MCF2L: variants seen among roughly 807,000 people sequenced by gnomAD.
The protein encoded by MCF2L is guanine nucleotide exchange factor DBS.
Under a neutral mutation model 153.4 loss-of-function variants are expected in MCF2L, and 97 were observed. That is an observed-to-expected ratio of 0.63 (90% CI 0.54 to 0.75). The LOEUF (loss-of-function observed/expected upper bound fraction) is 0.75. Among genes scored for constraint, MCF2L ranks in the 30% least tolerant of loss-of-function variants. The pLI is 0.00. For synonymous variants in MCF2L, 659 were observed against 632.2 expected (o/e 1.04, Z -0.64); for missense variants, 1,347 against 1,495.2 (o/e 0.90, Z 1.64).
chr13:113,067,538 T>G (rs9604019), intron 8 of MCF2L, among the ~76,000 whole-genome samples: 1 of 10,828 alleles, frequency 9.2e-5, no homozygotes. Flanking sequence ...TGCCAGCTAC[T>G]CGGAGGCAGA....
At chr13:112,944,631 G>A (rs2081617449) in intron 2 of MCF2L, among the ~76,000 whole-genome samples, 1 of 150,556 alleles carries the variant, frequency 6.6e-6, no homozygotes, top group Non-Finnish European at 1.5e-5. Context: ...GAGTGCAGTG[G>A]CGCAACCTCG....
chr13:113,092,438 CCACTGCCTGTGGGT>C (rs2035298969), intron 26 of MCF2L, among the ~76,000 whole-genome samples: 2 of 144,958 alleles, frequency 1.4e-5, no homozygotes, highest in Non-Finnish European at 3.2e-5. Flanking sequence ...CGAAGCCGGG[CCACTGCCTGTGGGT>C]CATTTCCACC....
intron 2 of MCF2L, among the ~76,000 whole-genome samples, chr13:112,914,340 C>A (rs764999446): frequency 3.9e-5 from 6 of 152,224 alleles, no homozygotes; most frequent in Non-Finnish European, 7.3e-5. Context: ...CGGGACTACT[C>A]CACATCCATG....
chr13:113,005,310 A>ACGC, intron 1 of MCF2L, among the ~76,000 whole-genome samples: 1 of 152,170 alleles, frequency 6.6e-6, no homozygotes, highest in Non-Finnish European at 1.5e-5. Flanking sequence ...GGTGTCAGAG[A>ACGC]CGCCGACAAG....
Position 112,946,991 on chromosome 13 carries a change from C to T in MCF2L, c.169+44620C>T, listed in dbSNP as rs183706240. Among the ~76,000 whole-genome samples, 3 of 152,230 alleles carry T rather than the reference C, an allele frequency of 2.0e-5. No homozygotes were observed. The East Asian group carries it at 5.8e-4, about 29-fold the overall frequency. ...TTCTTTTGGTCTCGTGCGTCCTAAA[C>T]GCAGGGCTTGTCTACTGTGGTGTGT... On this transcript the variant is annotated intron_variant, in intron 2 of 29. Coordinates refer to the MCF2L transcript ENST00000375608.
chr13:112,930,467 T>A (rs567682466), intron 2 of MCF2L, among the ~76,000 whole-genome samples: 1 of 152,268 alleles, frequency 6.6e-6, no homozygotes, highest in Middle Eastern at 3.4e-3. Flanking sequence ...TGATTCCAAC[T>A]CTGTGATATT....
rs2081968506 is a variant in MCF2L, at chr13:112,969,478, G to A, written c.79+20G>A. 1.3e-6 allele frequency: 2 copies of A among 1,550,062 alleles called. No individual in the cohort carries two copies. Among genetic ancestry groups the A allele is most frequent in the East Asian group, 2.4e-5 (1 of 40,876 alleles). On this transcript the variant is annotated intron_variant, in intron 1 of 29. Coordinates refer to ENST00000535094, the MANE Select transcript of MCF2L (RefSeq NM_001112732.3). The surrounding 1 kb of genome is among the most constrained non-coding windows in gnomAD (Gnocchi z 4.8). ...ACACGGGTAGGAGGAGCTGCTGGCC[G>A]TCAGTGATCTGTGCTTAAGCTTGAC...
intron 4 of MCF2L, among the ~76,000 whole-genome samples, chr13:113,052,945 A>C (rs143728346): frequency 6.6e-6 from 1 of 152,040 alleles, no homozygotes; most frequent in Admixed American, 6.6e-5. Context: ...ACATGCATAC[A>C]CTCAGAGACA....
chr13:113,072,212 C>T (rs149668675), intron 9 of MCF2L, among the ~76,000 whole-genome samples: 7 of 152,282 alleles, frequency 4.6e-5, no homozygotes, highest in East Asian at 3.9e-4. Context: ...GCTGAGCACA[C>T]GTATTTGAGA....
At chr13:112,926,525 G>A (rs1476809448) in intron 2 of MCF2L, among the ~76,000 whole-genome samples, 1 of 152,092 alleles carries the variant, frequency 6.6e-6, no homozygotes. Context: ...AGTACTGTAC[G>A]GCCTGGTCTA....
chr13:113,043,399 A>T (rs1292795069), intron 3 of MCF2L: 1 of 152,204 alleles, frequency 6.6e-6, no homozygotes, highest in African/African-American at 2.4e-5. Context: ...GGACCCAGAG[A>T]GCTCCGGGAT....
intron 5 of MCF2L, among the ~76,000 whole-genome samples, chr13:113,061,793 TC>T (rs2031516750): frequency 6.2e-5 from 1 of 16,184 alleles, no homozygotes; most frequent in Non-Finnish European, 1.1e-4. Flanking sequence ...CTCTCCCCCT[TC>T]CCCTCCCTTC....
At chr13:112,980,253 C>A (rs1339637022) in intron 1 of MCF2L, among the ~76,000 whole-genome samples, 1 of 152,270 alleles carries the variant, frequency 6.6e-6, no homozygotes, top group Non-Finnish European at 1.5e-5. Flanking sequence ...TAAACTCTCA[C>A]AAGTCACAGC....
At chr13:112,938,489 CATTTGTTCACA>C (rs2081544954) in intron 2 of MCF2L, among the ~76,000 whole-genome samples, 1 of 152,130 alleles carries the variant, frequency 6.6e-6, no homozygotes, top group Non-Finnish European at 1.5e-5. Context: ...TTCGGGTCCA[CATTTGTTCACA>C]ATTTGTTTCA....
rs920039993 is a variant in MCF2L, at chr13:113,097,202, C to T, written c.*343C>T. 4 of 231,432 alleles carry T rather than the reference C, an allele frequency of 1.7e-5. No homozygotes were observed. The highest frequency in any genetic ancestry group is 3.3e-5 in the Non-Finnish European group (4 of 119,550). 14.3% of individuals were successfully genotyped at this position (231,432 alleles called of 1,614,324 possible). A position where few individuals can be genotyped will look rare whatever the true frequency, so the allele number is the denominator to read the frequency against. On this transcript the variant is annotated 3_prime_UTR_variant, in exon 30 of 30. Coordinates refer to ENST00000535094, the MANE Select transcript of MCF2L (RefSeq NM_001112732.3). ...GCGCGGACCGTGGTGGAGCTGCTTC[C>T]GGAGAAGTGGAGGATCCTCTGGCCA...
chr13:113,074,507 C>G lies in MCF2L; in HGVS notation c.1060C>G (p.Leu354Val). ...IATFTDIGNS[L>V]AHVEHLLRDL... The stretch of plus-strand genomic sequence containing the variant: ...AACCTTCACAGACATCGGCAACAGC[C>G]TGGCGCATGTGGAGCACCTGCTGAG... Residue 354 changes from leucine to valine, a missense_variant, in exon 10 of 30, where the codon CTG becomes GTG. By Grantham distance (32) the Leu-to-Val change is conservative (BLOSUM62 1). Transcript: ENST00000535094. The surrounding 1 kb of genome is among the most constrained non-coding windows in gnomAD (Gnocchi z 4.2). 1 of 1,614,112 alleles carries G rather than the reference C, an allele frequency of 6.2e-7. No homozygotes were observed.
chr13:112,911,169 A>AG (rs2081227959), intron 2 of MCF2L, among the ~76,000 whole-genome samples: 1 of 152,340 alleles, frequency 6.6e-6, no homozygotes, highest in African/African-American at 2.4e-5. Context: ...AGGCCCCCTC[A>AG]GGAGCCTAAG....
intron 1 of MCF2L, among the ~76,000 whole-genome samples, chr13:113,004,676 A>C (rs1313623147): frequency 1.3e-5 from 2 of 152,224 alleles, no homozygotes; most frequent in African/African-American, 4.8e-5. Flanking sequence ...AGAGTCACAC[A>C]GCTCAGGGAG....
At chr13:112,945,856 A>G (rs2081631618) in intron 2 of MCF2L, among the ~76,000 whole-genome samples, 1 of 152,350 alleles carries the variant, frequency 6.6e-6, no homozygotes, top group East Asian at 1.9e-4. Flanking sequence ...TGGTGAATTG[A>G]TGAGGAGGGG....
Sources: gnomAD v4.1 joint callset for allele counts (sites outside exome capture counted in the v4.1 genomes callset) on GRCh38, gnomAD v4.1.1 for gene constraint, Gnocchi (gnomAD v3.1) non-coding constraint, MANE v1.5 for transcripts, NCBI Gene and HGNC (gene_info 2026-07-23, HGNC 2026-07-21) for gene names.